The following BMP6 variants were observed in gnomAD, a reference collection of about 807,000 sequenced individuals.
The protein encoded by BMP6 is VG-1-R.
In BMP6, 17 loss-of-function variants were observed where a neutral mutation model predicts 54.1. That is an observed-to-expected ratio of 0.31 (90% CI 0.22 to 0.47). The LOEUF is 0.47. Ranked by LOEUF, BMP6 falls within the 20% of genes least tolerant of loss-of-function variation. The pLI is 1.00. For missense variants in BMP6, 720 were observed against 690.4 expected (o/e 1.04, Z -0.48); for synonymous variants, 328 against 291.2 (o/e 1.13, Z -1.28).
chr6:7,744,098 A>G (rs1481581302), intron 1 of BMP6, among the ~76,000 whole-genome samples: 1 of 152,250 alleles, frequency 6.6e-6, no homozygotes, highest in Non-Finnish European at 1.5e-5. Context: ...ATTAACATTT[A>G]CTGTATCTGC....
intron 1 of BMP6, among the ~76,000 whole-genome samples, chr6:7,763,199 C>T (rs1473164043): frequency 6.6e-6 from 1 of 152,188 alleles, no homozygotes; most frequent in African/African-American, 2.4e-5. Flanking sequence ...TGTTTTCAGC[C>T]TCCACTGTCT....
At chr6:7,862,844 TG>T (rs1759358871) in intron 4 of BMP6, among the ~76,000 whole-genome samples, 1 of 152,140 alleles carries the variant, frequency 6.6e-6, no homozygotes, top group Non-Finnish European at 1.5e-5. Flanking sequence ...TGCGTTATGC[TG>T]GGGGGTTATG....
chr6:7,866,646 C>T lies in BMP6; in HGVS notation c.1204+4148C>T, dbSNP rs149797823. Among the ~76,000 whole-genome samples, 6 of 152,342 alleles carry T rather than the reference C, an allele frequency of 3.9e-5. No individual in the cohort carries two copies. In the East Asian group the frequency reaches 9.6e-4, roughly 24 times the overall value. ...GGTAAGTCTGAAGTCTGCTCTGCTG[C>T]TGCTGCTGTGAGGCAGAATTGGTCT... On this transcript the variant is annotated intron_variant, in intron 4 of 6. Coordinates refer to ENST00000283147, the MANE Select transcript of BMP6 (RefSeq NM_001718.6).
intron 1 of BMP6, among the ~76,000 whole-genome samples, chr6:7,794,048 C>G (rs759086972): frequency 4.6e-5 from 7 of 152,250 alleles, no homozygotes; most frequent in African/African-American, 1.7e-4. Flanking sequence ...TTCGCAAGCT[C>G]TGTCCATGGG....
At chr6:7,860,965 T>TA (rs1275744555) in intron 2 of BMP6, among the ~76,000 whole-genome samples, 1 of 152,016 alleles carries the variant, frequency 6.6e-6, no homozygotes, top group East Asian at 1.9e-4. Flanking sequence ...TAGAGCTTAT[T>TA]AGCCATAAAG....
intron 1 of BMP6, among the ~76,000 whole-genome samples, chr6:7,777,552 G>T (rs1344270871): frequency 6.6e-6 from 1 of 152,142 alleles, no homozygotes; most frequent in African/African-American, 2.4e-5. Context: ...GGGTAAGAAG[G>T]AAGTGCCATG....
At position 7,727,198 on chromosome 6, in the gene BMP6, G is replaced by C; in HGVS notation, c.243G>C (p.Lys81Asn). 8 of 1,604,678 alleles carry C rather than the reference G, an allele frequency of 5.0e-6. No individual in the cohort carries two copies. Among genetic ancestry groups the C allele is most frequent in the Non-Finnish European group, 6.8e-6 (8 of 1,176,458 alleles). ...LKTQEKREMQKEILSVLGLPH... is the reference protein window; with the variant it reads ...LKTQEKREMQNEILSVLGLPH... ...CGCAGGAGAAGCGGGAGATGCAGAA[G>C]GAGATCTTGTCGGTGCTGGGGCTCC... Residue 81 changes from lysine (K) to asparagine (N), a missense_variant, in exon 1 of 7, where the codon AAG (lysine) becomes AAC (asparagine). This residue lies in a region of BMP6 where 650 missense variants were observed against 556.3 expected (regional missense o/e 1.17). Transcript: ENST00000283147.
intron 2 of BMP6, among the ~76,000 whole-genome samples, chr6:7,857,785 T>C (rs1759270773): frequency 6.6e-6 from 1 of 152,246 alleles, no homozygotes; most frequent in African/African-American, 2.4e-5. Flanking sequence ...TAGTGATTTG[T>C]CATCAACAGC....
At chr6:7,821,424 C>T (rs900310885) in intron 1 of BMP6, among the ~76,000 whole-genome samples, 1 of 152,188 alleles carries the variant, frequency 6.6e-6, no homozygotes, top group African/African-American at 2.4e-5. Flanking sequence ...GTTGCTCACA[C>T]CTGTAATCCC....
chr6:7,782,933 A>G (rs1757968932), intron 1 of BMP6, among the ~76,000 whole-genome samples: 1 of 152,210 alleles, frequency 6.6e-6, no homozygotes, highest in South Asian at 2.1e-4. Context: ...CTAAAATATG[A>G]GAACTGAAAC....
At chr6:7,742,577 A>G (rs1444347528) in intron 1 of BMP6, among the ~76,000 whole-genome samples, 1 of 152,242 alleles carries the variant, frequency 6.6e-6, no homozygotes, top group African/African-American at 2.4e-5. Flanking sequence ...GATCAAAGCC[A>G]TGGGCAGGAT....
intron 2 of BMP6, among the ~76,000 whole-genome samples, chr6:7,853,677 T>G (rs1289592195): frequency 6.6e-6 from 1 of 152,202 alleles, no homozygotes; most frequent in East Asian, 1.9e-4. Flanking sequence ...TGTGTCTGGC[T>G]TTCACAGGCA....
intron 1 of BMP6, among the ~76,000 whole-genome samples, chr6:7,761,904 T>C (rs1025787456): frequency 8.5e-5 from 13 of 152,194 alleles, no homozygotes; most frequent in African/African-American, 2.7e-4. Context: ...ATTTCTTTTC[T>C]TTTCTTTTTT....
Position 7,845,341 on chromosome 6 carries a change from G to T in BMP6, c.857+9G>T, listed in dbSNP as rs773010908. ...CAGGAGCATCAGCACAGGTATGAAG[G>T]CTCGAGAAAGCCCCAAAGGTGGGGC... On this transcript the variant is annotated intron_variant, in intron 2 of 6. Coordinates refer to ENST00000283147, the MANE Select transcript of BMP6 (RefSeq NM_001718.6). The T allele has an allele frequency of 7.5e-6, 12 of 1,604,420 alleles. No homozygotes were observed. The highest frequency in any genetic ancestry group is 3.3e-5 in the South Asian group (3 of 89,756).
chr6:7,737,765 C>G (rs1375393458), intron 1 of BMP6, among the ~76,000 whole-genome samples: 1 of 152,092 alleles, frequency 6.6e-6, no homozygotes, highest in Non-Finnish European at 1.5e-5. Flanking sequence ...GCAGATTATA[C>G]ACGTCCATGG....
intron 1 of BMP6, among the ~76,000 whole-genome samples, chr6:7,804,647 A>C (rs1321273698): frequency 6.6e-6 from 1 of 152,174 alleles, no homozygotes; most frequent in Non-Finnish European, 1.5e-5. Context: ...CATTTAGCAA[A>C]CATCTGGTGT....
intron 1 of BMP6, among the ~76,000 whole-genome samples, chr6:7,746,830 A>C (rs1757354099): frequency 6.6e-6 from 1 of 152,184 alleles, no homozygotes; most frequent in Non-Finnish European, 1.5e-5. Context: ...AAACTTCATC[A>C]GTGAGCTGGG....
At chr6:7,820,124 C>G (rs1758584490) in intron 1 of BMP6, among the ~76,000 whole-genome samples, 1 of 152,114 alleles carries the variant, frequency 6.6e-6, no homozygotes, top group East Asian at 1.9e-4. Flanking sequence ...TATTCATACT[C>G]CATCATCCAG....
intron 4 of BMP6, among the ~76,000 whole-genome samples, chr6:7,874,542 G>A (rs759685046): frequency 4.6e-4 from 70 of 152,326 alleles, no homozygotes; most frequent in South Asian, 4.1e-4. Flanking sequence ...GATCACTTGA[G>A]CCCAGGAGTT....
Sources: gnomAD v4.1 joint callset for allele counts (sites outside exome capture counted in the v4.1 genomes callset) on GRCh38, gnomAD v4.1.1 for gene constraint, gnomAD v4.1.1 regional missense constraint, MANE v1.5 for transcripts, NCBI Gene and HGNC (gene_info 2026-07-23, HGNC 2026-07-21) for gene names.